The following GULP1 variants were observed in gnomAD, a reference collection of about 807,000 sequenced individuals.
GULP1 encodes GULP PTB domain containing engulfment adaptor 1, also known as PTB domain-containing engulfment adapter protein 1.
A neutral mutation model predicts 40.9 loss-of-function variants in GULP1; 19 were observed. The observed-to-expected ratio is 0.46, with a 90% CI of 0.32 to 0.68. The LOEUF (loss-of-function observed/expected upper bound fraction) is 0.68. Among genes scored for constraint, GULP1 ranks in the 30% least tolerant of loss-of-function variants. GULP1 has a pLI of 0.03. For synonymous variants in GULP1, 119 were observed against 117.6 expected (o/e 1.01, Z -0.08); for missense variants, 312 against 362.2 (o/e 0.86, Z 1.12).
intron 7 of GULP1, among the ~76,000 whole-genome samples, chr2:188,544,870 A>C (rs1440315562): frequency 6.6e-6 from 1 of 152,046 alleles, no homozygotes; most frequent in Non-Finnish European, 1.5e-5. Context: ...ACATCAACCT[A>C]TAGATCTAAA....
intron 2 of GULP1, among the ~76,000 whole-genome samples, chr2:188,467,461 A>G (rs192623576): frequency 6.6e-5 from 10 of 152,228 alleles, no homozygotes; most frequent in East Asian, 1.9e-4. Flanking sequence ...TAATCTCAGT[A>G]TCAAGATTTT....
intron 9 of GULP1, 64 bp downstream of exon 9, chr2:188,570,184 G>A: frequency 1.4e-6 from 1 of 712,462 alleles, no homozygotes; most frequent in Non-Finnish European, 2.5e-6. Context: ...TGTATCACTA[G>A]TTCTGCAATA....
In GULP1 at chr2:188,584,247, C is replaced by A; in HGVS notation, c.610-18C>A. 10 of 1,561,794 alleles carry A rather than the reference C, an allele frequency of 6.4e-6. No individual in the cohort carries two copies. The highest frequency in any genetic ancestry group is 8.8e-6 in the Non-Finnish European group (10 of 1,134,724). On this transcript the variant is annotated intron_variant, in intron 9 of 11. Transcript: ENST00000409830. ...GTCTATATGAAATATTACCCTAATT[C>A]ATTTATTTTCATTGCAGGCAGGCAG...
At chr2:188,537,496 G>A (rs771753660) in intron 6 of GULP1, among the ~76,000 whole-genome samples, 7 of 151,882 alleles carry the variant, frequency 4.6e-5, no homozygotes, top group South Asian at 4.1e-4. Flanking sequence ...TTATTGATTC[G>A]CATACGTTGA....
chr2:188,434,901 T>C (rs1000262113), intron 2 of GULP1, among the ~76,000 whole-genome samples: 2 of 152,076 alleles, frequency 1.3e-5, no homozygotes, highest in Non-Finnish European at 2.9e-5. Flanking sequence ...TCTTTTATAA[T>C]CTTATCACAA....
intron 1 of GULP1, among the ~76,000 whole-genome samples, chr2:188,380,737 G>A (rs369258650): frequency 1.3e-5 from 2 of 152,266 alleles, no homozygotes; most frequent in East Asian, 3.9e-4. Context: ...AATATTTTAA[G>A]ATCATGATAA....
chr2:188,478,152 T>C (rs2061174077), intron 3 of GULP1, among the ~76,000 whole-genome samples: 1 of 152,054 alleles, frequency 6.6e-6, no homozygotes, highest in African/African-American at 2.4e-5. Context: ...TTGAACAATA[T>C]GTGAGGATTG....
rs781196593 is a variant in GULP1 at position 188,529,077 on chromosome 2, G to C, written c.163-20G>C. On this transcript the variant is annotated intron_variant, in intron 5 of 11. Transcript: ENST00000409830. ...TATAGAAATAGAAGTGTAGCTTTGT[G>C]AATAATTTTTCATTCGTAGTTTGCA... 13 of 1,073,890 alleles carry C rather than the reference G, an allele frequency of 1.2e-5. No homozygotes were observed. In the Admixed American group the frequency reaches 2.6e-4, roughly 21 times the overall value. The allele number at this position is 1,073,890 out of a possible 1,614,324, so 66.5% of individuals were successfully genotyped here. A position where few individuals can be genotyped will look rare whatever the true frequency, so the allele number is the denominator to read the frequency against.
intron 1 of GULP1, among the ~76,000 whole-genome samples, chr2:188,378,048 T>A (rs2048514898): frequency 6.6e-6 from 1 of 152,116 alleles, no homozygotes; most frequent in Non-Finnish European, 1.5e-5. Flanking sequence ...ACAGATAAAA[T>A]ATATACATAG....
chr2:188,529,234 T>A, intron 6 of GULP1, 39 bp downstream of exon 6: 1 of 922,358 alleles, frequency 1.1e-6, no homozygotes, highest in Non-Finnish European at 1.7e-6. Context: ...AATCTTTAAT[T>A]AATTGCAATT....
intron 1 of GULP1, among the ~76,000 whole-genome samples, chr2:188,360,140 G>T (rs1394354096): frequency 2.6e-5 from 4 of 151,934 alleles, no homozygotes; most frequent in Non-Finnish European, 5.9e-5. Context: ...GTTTCCTGCT[G>T]GTTTACTTTG....
intron 2 of GULP1, among the ~76,000 whole-genome samples, chr2:188,389,748 T>A (rs1256741844): frequency 6.6e-6 from 1 of 152,146 alleles, no homozygotes; most frequent in African/African-American, 2.4e-5. Context: ...TGTAGTTTTT[T>A]ATTCCTCACC....
intron 4 of GULP1, among the ~76,000 whole-genome samples, chr2:188,511,914 C>G (rs1311631659): frequency 6.6e-6 from 1 of 151,690 alleles, no homozygotes; most frequent in Non-Finnish European, 1.5e-5. Context: ...AAAGTATAAC[C>G]TTTTGTTGGT....
intron 4 of GULP1, among the ~76,000 whole-genome samples, chr2:188,497,470 A>T (rs2063010840): frequency 6.6e-6 from 1 of 152,016 alleles, no homozygotes; most frequent in Non-Finnish European, 1.5e-5. Context: ...ACTTAAAATG[A>T]CTTTGTTGTC....
At chr2:188,379,919 A>T (rs751830976) in intron 1 of GULP1, among the ~76,000 whole-genome samples, 1 of 152,174 alleles carries the variant, frequency 6.6e-6, no homozygotes, top group Non-Finnish European at 1.5e-5. Flanking sequence ...CTGAAGGTTA[A>T]TGAGTCTTAT....
intron 7 of GULP1, among the ~76,000 whole-genome samples, chr2:188,550,820 A>T (rs185137530): frequency 4.6e-5 from 7 of 151,572 alleles, no homozygotes; most frequent in Non-Finnish European, 3.0e-5. Flanking sequence ...ATTTCATTAC[A>T]TGATTGAGGG....
intron 9 of GULP1, among the ~76,000 whole-genome samples, chr2:188,580,231 C>G (rs1248413876): frequency 6.6e-6 from 1 of 152,198 alleles, no homozygotes; most frequent in Non-Finnish European, 1.5e-5. Flanking sequence ...ACATACACAT[C>G]TCTACATAAA....
At chr2:188,375,021 A>G (rs2048120274) in intron 1 of GULP1, among the ~76,000 whole-genome samples, 2 of 152,204 alleles carry the variant, frequency 1.3e-5, no homozygotes, top group African/African-American at 2.4e-5. Context: ...CGATTGCTGA[A>G]GAAGGGCCTT....
chr2:188,421,717 G>A (rs1001655564), intron 2 of GULP1, among the ~76,000 whole-genome samples: 1 of 152,120 alleles, frequency 6.6e-6, no homozygotes, highest in African/African-American at 2.4e-5. Context: ...AGAGTGGAGT[G>A]ACCATTCTTG....
Sources: allele counts gnomAD v4.1 joint callset (sites outside exome capture counted in the v4.1 genomes callset), GRCh38; gene constraint gnomAD v4.1.1; transcripts MANE v1.5; gene names NCBI Gene and HGNC (gene_info 2026-07-23, HGNC 2026-07-21).